DLG4: variants seen among roughly 807,000 people sequenced by gnomAD.
DLG4 encodes the protein disks large homolog 4.
DLG4 carries 7 observed loss-of-function variants against 93.8 expected under a neutral mutation model. That is an observed-to-expected ratio of 0.07 (90% CI 0.04 to 0.14). The LOEUF is 0.14. DLG4 is among the 10% of genes least tolerant of loss of function. DLG4 has a pLI of 1.00. For synonymous variants in DLG4, 341 were observed against 387.6 expected (o/e 0.88, Z 1.41); for missense variants, 545 against 992.9 (o/e 0.55, Z 6.06).
At chr17:7,218,904 C>T (rs1413852528), upstream of DLG4, 3 of 1,587,166 alleles carry the variant, frequency 1.9e-6, no homozygotes, top group Admixed American at 1.7e-5. Context: ...AGTTGAGCTG[C>T]TTCTCCCCAC....
rs2070566580 is a variant in DLG4, at chr17:7,208,196, C to G, written c.74G>C (p.Ser25Thr). ...TACCTGGTTGGGGAGGTGGGCCGGG[C>G]TGTGCTCCAGAGGGGGCGTGTCTTC... The part of the protein sequence containing the change: ...QDEDTPPLEH[S>T]PAHLPNQANS... Residue 25 changes from serine (S) to threonine (T), a missense_variant, in exon 2 of 20, where the codon AGC becomes ACC. By Grantham distance (58) the Ser-to-Thr change is moderately conservative. Transcript: ENST00000399506. The surrounding 1 kb of genome is among the most constrained non-coding windows in gnomAD (Gnocchi z 5.4). 1.5e-6 allele frequency: 2 copies of G among 1,314,984 alleles called. No homozygotes were observed. The highest frequency in any genetic ancestry group is 2.0e-6 in the Non-Finnish European group (2 of 1,022,374). The allele number at this position is 1,314,984 out of a possible 1,614,324, so 81.5% of individuals were successfully genotyped here.
At chr17:7,211,826 G>C (rs1006522990) in intron 1 of DLG4, 1 of 68,940 alleles carries the variant, frequency 1.5e-5, no homozygotes, top group Non-Finnish European at 3.1e-5. Flanking sequence ...TGCGGCGGGG[G>C]GGGGGGGGGG....
Position 7,203,237 on chromosome 17 carries a change from C to A in DLG4, c.598G>T (p.Ala200Ser). ...ATCTGCAACCTCCCATCCTTGTGGG[C>A]AGCACCCCCTTCGATGATCTTTGTT... ...YVTKIIEGGA[A>S]HKDGRLQIGD... is the part of the protein sequence containing the mutation. The change falls in exon 7 of 20, where the codon GCC becomes TCC. Residue 200 changes from alanine (A) to serine (S), a missense_variant. Ala to Ser is a moderately conservative substitution (Grantham distance 99). Transcript: ENST00000399506. The surrounding 1 kb of genome is among the most constrained non-coding windows in gnomAD (Gnocchi z 7.2). 6.2e-7 allele frequency: 1 copy of A among 1,610,150 alleles called. No homozygotes were observed.
chr17:7,219,160 C>A, upstream of DLG4: 2 of 442,230 alleles, frequency 4.5e-6, no homozygotes, highest in Admixed American at 7.9e-5. Context: ...TCCTCTCACC[C>A]CAATGAGAAT....
chr17:7,211,661 G>A (rs1230340287), intron 1 of DLG4: 4 of 982,028 alleles, frequency 4.1e-6, no homozygotes, highest in African/African-American at 1.8e-5. Flanking sequence ...CACGTACCAC[G>A]CAGAGACACA....
chr17:7,218,675 T>C (rs371266232), upstream of DLG4: 10 of 1,548,234 alleles, frequency 6.5e-6, no homozygotes, highest in African/African-American at 2.7e-5. Flanking sequence ...ACAGGGAAGA[T>C]GCCAACACAG....
At position 7,190,721 on chromosome 17, in the gene DLG4, C is replaced by A. The variant is rs752263256; in HGVS notation, c.2162G>T (p.Arg721Leu). ...LSGPYIWVPA[R>L]ERL ...CCAGGGCAGGAATCAGAGTCTCTCT[C>A]GGGCTGGAACCCAGATGTAGGGGCC... Residue 721 changes from arginine (R) to leucine (L), a missense_variant, in exon 20 of 20, where the codon CGA becomes CTA. Transcript: ENST00000399506. The A allele has an allele frequency of 2.5e-6, 4 of 1,613,702 alleles. No individual in the cohort carries two copies. Among genetic ancestry groups the A allele is most frequent in the Non-Finnish European group, 3.4e-6 (4 of 1,179,680 alleles).
Position 7,193,213 on chromosome 17 carries a change from GTCCTTTGGTGA to G in DLG4, c.1694-107_1694-97del. 1 of 1,528,736 alleles carries G rather than the reference GTCCTTTGGTGA, an allele frequency of 6.5e-7. No homozygotes were observed. The highest frequency in any genetic ancestry group is 8.9e-7 in the Non-Finnish European group (1 of 1,122,406). The allele number at this position is 1,528,736 out of a possible 1,614,324, so 94.7% of individuals were successfully genotyped here. The stretch of plus-strand genomic sequence containing the variant: ...ATCAAATCCCCATAGTGCCCAGCTG[GTCCTTTGGTGA>G]AAGGGAGCTGCCAGGGAGACCAAGA... On this transcript the variant is annotated intron_variant, in intron 16 of 19. Transcript: ENST00000399506. This position sits in a 1 kb window ranked among gnomAD's most constrained non-coding sequence, Gnocchi z 6.7.
upstream of DLG4, chr17:7,217,904 C>CGGCA (rs2071008245): frequency 1.5e-6 from 2 of 1,324,180 alleles, no homozygotes; most frequent in East Asian, 2.5e-5. Context: ...GGAGGCCTCT[C>CGGCA]GGCAGGCGGT....
rs939595170 is a variant in DLG4 at position 7,191,778 on chromosome 17, G to A, written c.1976+115C>T. 12 of 730,312 alleles carry A rather than the reference G, an allele frequency of 1.6e-5. No homozygotes were observed. Among genetic ancestry groups the A allele is most frequent in the Non-Finnish European group, 2.7e-5 (12 of 450,274 alleles). The allele number at this position is 730,312 out of a possible 1,614,324, so 45.2% of individuals were successfully genotyped here. On this transcript the variant is annotated intron_variant, in intron 18 of 19. Coordinates refer to ENST00000399506, the MANE Select transcript of DLG4 (RefSeq NM_001321075.3). This position sits in a 1 kb window ranked among gnomAD's most constrained non-coding sequence, Gnocchi z 6.6. ...TGGGTTCCAGGGATCCCCCTCAGGG[G>A]CTGCTGAAACCGCTGTCCAGGGTTC...
In DLG4 at chr17:7,190,620, G is replaced by C. The variant is rs1260391196; in HGVS notation, c.*88C>G. On this transcript the variant is annotated 3_prime_UTR_variant, in exon 20 of 20. Coordinates refer to ENST00000399506, the MANE Select transcript of DLG4 (RefSeq NM_001321075.3). ...ATAAGAAGGGGTGGGAGGGAGGCCG[G>C]GGGGAGCCAAGGGCTTGGGCAATTC... The C allele has an allele frequency of 2.9e-6, 3 of 1,046,186 alleles. No individual in the cohort carries two copies. Among genetic ancestry groups the C allele is most frequent in the African/African-American group, 1.6e-5 (1 of 63,696 alleles). 64.8% of individuals were successfully genotyped at this position (1,046,186 alleles called of 1,614,324 possible). A position where few individuals can be genotyped will look rare whatever the true frequency, so the allele number is the denominator to read the frequency against.
At chr17:7,211,646 C>G (rs2070710222) in intron 1 of DLG4, 2 of 981,592 alleles carry the variant, frequency 2.0e-6, no homozygotes, top group Admixed American at 6.2e-5. Context: ...GAGCCCATAC[C>G]GCGGCACGTA....
upstream of DLG4, chr17:7,219,997 C>G (rs747672165): frequency 6.2e-7 from 1 of 1,603,212 alleles, no homozygotes; most frequent in East Asian, 2.2e-5. Flanking sequence ...GCAGGCGGCT[C>G]GGATGGCCGC....
intron 1 of DLG4, among the ~76,000 whole-genome samples, chr17:7,212,137 G>A (rs1461651476): frequency 6.6e-6 from 1 of 151,924 alleles, no homozygotes; most frequent in East Asian, 1.9e-4. Flanking sequence ...CCAGAGTCCA[G>A]GGAAACAAAC....
rs554024895 is a variant in DLG4 at position 7,212,539 on chromosome 17, C to G, written c.31-4300G>C. 1.9e-4 allele frequency among the ~76,000 whole-genome samples: 29 copies of G among 152,288 alleles called. No homozygotes were observed. In the South Asian group the frequency reaches 4.6e-3, roughly 24 times the overall value. On this transcript the variant is annotated intron_variant, in intron 1 of 19. Transcript: ENST00000399506. ...GAATCTAATAAGATACTCATGACTTCCTAATATGCCAGTCTCCAAATCCAC... is the reference window on the plus strand; with the variant it reads ...GAATCTAATAAGATACTCATGACTTGCTAATATGCCAGTCTCCAAATCCAC...
At chr17:7,218,330 GGC>G (rs1276331863), upstream of DLG4, 3 of 1,570,658 alleles carry the variant, frequency 1.9e-6, no homozygotes, top group East Asian at 7.0e-5. Context: ...GGCCTCTCCA[GGC>G]ACATCACCCC....
chr17:7,195,414 G>A lies in DLG4; in HGVS notation c.1301+806C>T, dbSNP rs1210849069. On this transcript the variant is annotated intron_variant, in intron 11 of 19. Coordinates refer to ENST00000399506, the MANE Select transcript of DLG4 (RefSeq NM_001321075.3). The surrounding 1 kb of genome is among the most constrained non-coding windows in gnomAD (Gnocchi z 4.3). ...GGAAGGGCAGAGCAAGGGCTCAGGT[G>A]GGAGCCAGTGTCTGGGTGGCTGGTG... Among the ~76,000 whole-genome samples the A allele has an allele frequency of 6.6e-6, 1 of 152,210 alleles. No homozygotes were observed. The highest frequency in any genetic ancestry group is 6.5e-5 in the Admixed American group (1 of 15,286).
At chr17:7,207,986 C>T in intron 2 of DLG4, 188 bp downstream of exon 2, 1 of 1,103,870 alleles carries the variant, frequency 9.1e-7, no homozygotes, top group Non-Finnish European at 1.1e-6. Flanking sequence ...CTCCCCACGG[C>T]TCTCTCTCAC....
rs1485968909 is a variant in DLG4 at position 7,188,882 on chromosome 17, T to C, written c.*1826A>G. 2.0e-5 allele frequency among the ~76,000 whole-genome samples: 3 copies of C among 152,018 alleles called. No individual in the cohort carries two copies. Among genetic ancestry groups the C allele is most frequent in the Non-Finnish European group, 4.4e-5 (3 of 67,992 alleles). On this transcript the variant is annotated 3_prime_UTR_variant, in exon 20 of 20. Coordinates refer to ENST00000399506, the MANE Select transcript of DLG4 (RefSeq NM_001321075.3). ...ATCTTAACACTGTGGGAGGCCAAGC[T>C]GGGCGGATCACCTGAGGTCAGGAGT...
Sources: allele counts gnomAD v4.1 joint callset (sites outside exome capture counted in the v4.1 genomes callset), GRCh38; gene constraint gnomAD v4.1.1; non-coding constraint Gnocchi (gnomAD v3.1); transcripts MANE v1.5; gene names NCBI Gene and HGNC (gene_info 2026-07-23, HGNC 2026-07-21).